HELZ2: variants seen among roughly 807,000 people sequenced by gnomAD.
HELZ2 encodes the protein 3'-5' exoribonuclease HELZ2.
A neutral mutation model predicts 208.8 loss-of-function variants in HELZ2; 143 were observed. That is an observed-to-expected ratio of 0.68 (90% CI 0.60 to 0.79). The LOEUF (loss-of-function observed/expected upper bound fraction) is 0.79. Among genes scored for constraint, HELZ2 ranks in the 30% least tolerant of loss-of-function variants. The pLI, the probability that HELZ2 is intolerant of heterozygous loss-of-function variation, is 0.00. For synonymous variants in HELZ2, 1,705 were observed against 1,693.7 expected, an observed-to-expected ratio of 1.01 and a Z score of -0.16; for missense variants, 3,690 against 3,794.5, an observed-to-expected ratio of 0.97 and a Z score of 0.72.
chr20:63,569,521 C>T (rs751597589), exon 4 of HELZ2: 1 of 1,609,976 alleles, frequency 6.2e-7, no homozygotes, highest in Non-Finnish European at 8.5e-7. Flanking sequence ...TGCACACGCA[C>T]TCCCACCTGG....
At chr20:63,562,817 T>C (rs1453007115) in exon 8 of HELZ2, 3 of 1,610,568 alleles carry the variant, frequency 1.9e-6, no homozygotes, top group Admixed American at 1.7e-5. Flanking sequence ...GCAGCTGAAG[T>C]TGATGTCGGC....
In HELZ2 at chr20:63,563,920, T is replaced by C. The variant is rs1362229006; in HGVS notation, c.4902A>G (p.Ala1634=). 1.8e-5 allele frequency: 28 copies of C among 1,593,516 alleles called. No homozygotes were observed. The East Asian group carries it at 6.1e-4, about 35-fold the overall frequency. Residue 1634 remains alanine (A), a synonymous_variant, in exon 8 of 19, where the codon GCA becomes GCG. Coordinates refer to ENST00000467148, the Ensembl canonical transcript of HELZ2. ...CCAGGGCCTTGCGGAGGTCGCGGCC[T>C]GCAGGAGCCAGGAATGGGTGCATGT...
chr20:63,565,188 C>T (rs1198416803), exon 8 of HELZ2: 1 of 1,606,118 alleles, frequency 6.2e-7, no homozygotes, highest in Non-Finnish European at 8.5e-7. Flanking sequence ...ATGCGCGGGT[C>T]CCACGTGTCC....
At chr20:63,570,867 G>A in exon 2 of HELZ2, 1 of 1,585,562 alleles carries the variant, frequency 6.3e-7, no homozygotes, top group Non-Finnish European at 8.6e-7. Context: ...CAGAGGTCAG[G>A]CCTGGGGGAC....
exon 8 of HELZ2, chr20:63,564,938 T>C (rs1334030073): frequency 6.2e-7 from 1 of 1,610,238 alleles, no homozygotes; most frequent in Admixed American, 1.7e-5. Context: ...GCGGAGGCCC[T>C]GCTCCCAGGT....
rs1489977507 is a variant in HELZ2, at chr20:63,568,766, G to C, written c.1322C>G (p.Ser441Ter). ...AAGCAGCAGCCACAGCGCCTGCTCT[G>C]AGCTGGCCCGCCTCTCCAGCCGCAC... Residue 441 changes from serine (S) to a stop codon, truncating the protein, a stop_gained, in exon 5 of 19, where the codon TCA becomes TGA. Transcript: ENST00000467148. LOFTEE classifies it high-confidence loss of function. The C allele has an allele frequency of 6.2e-7, 1 of 1,606,066 alleles. No homozygotes were observed.
At position 63,570,603 on chromosome 20, in the gene HELZ2, C is replaced by G. The variant is rs1331403341; in HGVS notation, c.471G>C (p.Glu157Asp). The G allele has an allele frequency of 3.1e-6, 5 of 1,608,636 alleles. No homozygotes were observed. In the Admixed American group the frequency reaches 6.7e-5, roughly 21 times the overall value. Residue 157 changes from glutamate to aspartate, a missense_variant, in exon 3 of 19, where the codon GAG becomes GAC. By Grantham distance (45) the Glu-to-Asp change is conservative (BLOSUM62 2). This residue lies in a region of HELZ2 where 1,119 missense variants were observed against 1,193.4 expected (regional missense o/e 0.94). Transcript: ENST00000467148. The stretch of plus-strand genomic sequence containing the variant: ...AGGTGACACGCACTCCATCAAGGGT[C>G]TCTGCCAGCTGCGTGGAAGTCTAGC...
At chr20:63,563,125 G>T in exon 8 of HELZ2, 4 of 1,596,210 alleles carry the variant, frequency 2.5e-6, no homozygotes, top group Non-Finnish European at 3.4e-6. Context: ...AGAGCTGAGG[G>T]CTCGGTACCA....
exon 8 of HELZ2, chr20:63,562,781 C>T (rs1344087060): frequency 1.2e-6 from 2 of 1,607,690 alleles, no homozygotes; most frequent in South Asian, 2.2e-5. Flanking sequence ...AGCCGGCAGC[C>T]CCTCGAGCCG....
At chr20:63,563,451 G>A (rs768565690) in exon 8 of HELZ2, 1 of 1,525,320 alleles carries the variant, frequency 6.6e-7, no homozygotes, top group Non-Finnish European at 8.8e-7. Context: ...AGGAGCCGCA[G>A]GCCCGGCCGG....
chr20:63,567,600 A>G, exon 6 of HELZ2: 1 of 1,600,194 alleles, frequency 6.2e-7, no homozygotes, highest in Non-Finnish European at 8.5e-7. Context: ...GGCTGTGGAA[A>G]TACTCCCGGA....
At chr20:63,569,437 G>A (rs940094522) in exon 4 of HELZ2, 1 of 1,608,950 alleles carries the variant, frequency 6.2e-7, no homozygotes, top group African/African-American at 1.3e-5. Context: ...TGCAGCCCCA[G>A]CTTTTGTAGC....
Position 63,561,765 on chromosome 20 carries a change from G to C in HELZ2, c.6692-20C>G, listed in dbSNP as rs527866325. The C allele has an allele frequency of 2.5e-6, 4 of 1,575,800 alleles. No homozygotes were observed. The highest frequency in any genetic ancestry group is 2.6e-6 in the Non-Finnish European group (3 of 1,158,510). On this transcript the variant is annotated intron_variant, in intron 11 of 18. Coordinates refer to ENST00000467148, the Ensembl canonical transcript of HELZ2. ...GCAGTCCTGAGGGTAGTTGGGGGACGTGAGTCCTGCCCCGCGTGCCAGCTC... is the reference window on the plus strand; with the variant it reads ...GCAGTCCTGAGGGTAGTTGGGGGACCTGAGTCCTGCCCCGCGTGCCAGCTC...
rs576080654 is a variant in HELZ2, at chr20:63,562,060, C to T, written c.6529+12G>A. The stretch of plus-strand genomic sequence containing the variant: ...CCAAGGCAGCCTGCGGCTCCCCCGG[C>T]ATGGGCCCTACCTGGTGGGCCCTGA... On this transcript the variant is annotated intron_variant, in intron 10 of 18. Coordinates refer to ENST00000467148, the Ensembl canonical transcript of HELZ2. 8.8e-6 allele frequency: 14 copies of T among 1,591,292 alleles called. No individual in the cohort carries two copies. Among genetic ancestry groups the T allele is most frequent in the Middle Eastern group, 1.7e-4 (1 of 5,998 alleles).
At chr20:63,570,661 C>CCCCCCCAA in intron 2 of HELZ2, 24 bp downstream of exon 3, 4 of 1,580,100 alleles carry the variant, frequency 2.5e-6, no homozygotes, top group African/African-American at 1.3e-5. Flanking sequence ...CACCCCACCC[C>CCCCCCCAA]ACCCACTCCC....
intron 3 of HELZ2, among the ~76,000 whole-genome samples, chr20:63,569,958 T>A (rs1266432786): frequency 6.6e-6 from 1 of 152,036 alleles, no homozygotes; most frequent in Non-Finnish European, 1.5e-5. Context: ...TGTTTTTGTT[T>A]TGGTTTTTGA....
intron 14 of HELZ2, 68 bp from the exon 16 acceptor site, chr20:63,560,997 C>A (rs2082879348): frequency 1.3e-6 from 2 of 1,596,096 alleles, no homozygotes; most frequent in East Asian, 2.2e-5. Context: ...CACACGACAC[C>A]CGCGTCTGCA....
chr20:63,561,392 C>T lies in HELZ2; in HGVS notation c.6911G>A (p.Arg2304Gln), dbSNP rs747051468. The T allele has an allele frequency of 8.4e-5, 136 of 1,612,896 alleles. 1 individual carries two copies. The Middle Eastern group carries it at 9.9e-4, about 12-fold the overall frequency. ...GGAGAAGAGCTCCCCTCTCTGCAGC[C>T]GGGTGTCAAAGGCCTTGATTTCCGA... Residue 2304 changes from arginine (R) to glutamine (Q), a missense_variant, in exon 13 of 19, where the codon CGG becomes CAG. Transcript: ENST00000467148.
At chr20:63,566,799 C>T (rs761985312) in intron 6 of HELZ2, 45 bp downstream of exon 7, 3 of 1,531,842 alleles carry the variant, frequency 2.0e-6, no homozygotes, top group Non-Finnish European at 2.6e-6. Context: ...CCCCCTCCCC[C>T]AGCAGGGGTG....
Sources: allele counts gnomAD v4.1 joint callset (sites outside exome capture counted in the v4.1 genomes callset), GRCh38; gene constraint gnomAD v4.1.1; regional missense constraint gnomAD v4.1.1; transcripts MANE v1.5; gene names NCBI Gene and HGNC (gene_info 2026-07-23, HGNC 2026-07-21).